The following CDH12 variants were observed in gnomAD, a reference collection of about 807,000 sequenced individuals.
The protein encoded by CDH12 is cadherin-12.
A neutral mutation model predicts 74.1 loss-of-function variants in CDH12; 41 were observed. That is an observed-to-expected ratio of 0.55 (90% CI 0.43 to 0.72). The LOEUF is 0.72. Ranked by LOEUF, CDH12 falls within the 30% of genes least tolerant of loss-of-function variation. The pLI is 0.00. For synonymous variants in CDH12, 399 were observed against 355.0 expected (o/e 1.12, Z -1.39); for missense variants, 945 against 977.2 (o/e 0.97, Z 0.44).
chr5:22,017,316 T>A (rs1322295275), intron 5 of CDH12, among the ~76,000 whole-genome samples: 1 of 152,032 alleles, frequency 6.6e-6, no homozygotes, highest in Admixed American at 6.5e-5. Context: ...CTTCAAAAAC[T>A]GGGAAAATCA....
At chr5:22,091,097 GA>G (rs548217538) in intron 4 of CDH12, among the ~76,000 whole-genome samples, 29 of 151,488 alleles carry the variant, frequency 1.9e-4, no homozygotes, top group African/African-American at 7.0e-4. Flanking sequence ...GACAAGAAAA[GA>G]GGGAAAATTT....
chr5:21,926,833 G>T (rs1202223513), intron 6 of CDH12, among the ~76,000 whole-genome samples: 1 of 152,164 alleles, frequency 6.6e-6, no homozygotes, highest in Non-Finnish European at 1.5e-5. Flanking sequence ...AGAGGTGATG[G>T]TAGAATGTTC....
chr5:22,695,584 T>A (rs1742317697), intron 1 of CDH12, among the ~76,000 whole-genome samples: 1 of 152,222 alleles, frequency 6.6e-6, no homozygotes, highest in South Asian at 2.1e-4. Flanking sequence ...AGACATATTT[T>A]AAAATTATTT....
chr5:22,361,356 G>C (rs1271268154), intron 3 of CDH12, among the ~76,000 whole-genome samples: 5 of 152,010 alleles, frequency 3.3e-5, no homozygotes, highest in Non-Finnish European at 5.9e-5. Flanking sequence ...TAAAAACCTA[G>C]GAATCCCACT....
At chr5:22,820,736 T>A (rs555130326) in intron 1 of CDH12, among the ~76,000 whole-genome samples, 28 of 152,234 alleles carry the variant, frequency 1.8e-4, no homozygotes, top group Non-Finnish European at 3.4e-4. Flanking sequence ...ATTGTGGCAA[T>A]AATCAATAAC....
intron 9 of CDH12, among the ~76,000 whole-genome samples, chr5:21,814,872 A>C (rs1273782895): frequency 4.6e-5 from 7 of 151,862 alleles, no homozygotes; most frequent in Non-Finnish European, 7.4e-5. Context: ...TTCTTAGGGA[A>C]AAAATTAAGT....
At chr5:22,070,448 A>G (rs1049018808) in intron 5 of CDH12, among the ~76,000 whole-genome samples, 14 of 152,142 alleles carry the variant, frequency 9.2e-5, no homozygotes, top group African/African-American at 3.4e-4. Context: ...TAAGACTAAT[A>G]TTTAAATTTG....
At chr5:22,064,333 C>G (rs987263408) in intron 5 of CDH12, among the ~76,000 whole-genome samples, 2 of 152,110 alleles carry the variant, frequency 1.3e-5, no homozygotes, top group Non-Finnish European at 2.9e-5. Context: ...ATCTATGTCT[C>G]TTTAGATATG....
At chr5:22,258,122 T>A (rs1227815235) in intron 3 of CDH12, among the ~76,000 whole-genome samples, 1 of 152,142 alleles carries the variant, frequency 6.6e-6, no homozygotes, top group Admixed American at 6.6e-5. Context: ...TTTTTTGTTT[T>A]TTACCATCTT....
intron 11 of CDH12, among the ~76,000 whole-genome samples, chr5:21,768,567 C>T (rs1352120527): frequency 2.0e-5 from 3 of 151,768 alleles, no homozygotes; most frequent in East Asian, 1.9e-4. Flanking sequence ...CAAATTCCAA[C>T]AAAATGCAAA....
chr5:21,776,476 T>G (rs1745595418), intron 11 of CDH12, among the ~76,000 whole-genome samples: 1 of 152,188 alleles, frequency 6.6e-6, no homozygotes, highest in South Asian at 2.1e-4. Context: ...GAAGACCTGT[T>G]CGTGAATAGC....
chr5:22,043,771 T>TA (rs1739738885), intron 5 of CDH12, among the ~76,000 whole-genome samples: 1 of 150,178 alleles, frequency 6.7e-6, no homozygotes, highest in East Asian at 1.9e-4. Flanking sequence ...AAATTCAACA[T>TA]AAAAAAGCAA....
intron 5 of CDH12, among the ~76,000 whole-genome samples, chr5:22,053,842 G>A (rs13178918): frequency 0.35 from 53,190 of 151,748 alleles, 11,503 homozygotes; most frequent in Non-Finnish European, 0.47. Flanking sequence ...TCATAAGCCT[G>A]TACCAAAGCC....
intron 1 of CDH12, among the ~76,000 whole-genome samples, chr5:22,658,982 A>G (rs1195231044): frequency 6.6e-6 from 1 of 152,160 alleles, no homozygotes; most frequent in Non-Finnish European, 1.5e-5. Context: ...AAAATTGTCA[A>G]TTGCAGTAAC....
At chr5:22,357,651 C>T (rs577078763) in intron 3 of CDH12, among the ~76,000 whole-genome samples, 41 of 152,108 alleles carry the variant, frequency 2.7e-4, no homozygotes, top group African/African-American at 9.4e-4. Context: ...GTTCTCTATT[C>T]CCAAGGGGGA....
intron 1 of CDH12, among the ~76,000 whole-genome samples, chr5:22,738,163 T>C (rs188855259): frequency 6.6e-6 from 1 of 152,072 alleles, no homozygotes; most frequent in Admixed American, 6.6e-5. Flanking sequence ...AAGGATCTTG[T>C]CCAAGGTTAT....
At chr5:22,075,640 G>A (rs4490549) in intron 5 of CDH12, among the ~76,000 whole-genome samples, 55,942 of 151,718 alleles carry the variant, frequency 0.37, 12,886 homozygotes, top group African/African-American at 0.66. Flanking sequence ...ATTCTAACAT[G>A]TAAGTATGTT....
chr5:21,880,615 CCT>C (rs1491215004), intron 6 of CDH12, among the ~76,000 whole-genome samples: 14 of 84,658 alleles, frequency 1.7e-4, no homozygotes, highest in African/African-American at 6.5e-4. Flanking sequence ...TTCCTTCCTT[CCT>C]TCTTTCTTTC....
chr5:22,557,008 G>A (rs80354058), intron 1 of CDH12, among the ~76,000 whole-genome samples: 24,184 of 151,798 alleles, frequency 0.16, 2,498 homozygotes, highest in East Asian at 0.37. Flanking sequence ...ACACCCTCCA[G>A]TACTTTTCTA....
Sources: gnomAD v4.1 joint callset for allele counts (sites outside exome capture counted in the v4.1 genomes callset) on GRCh38, gnomAD v4.1.1 for gene constraint, MANE v1.5 for transcripts, NCBI Gene and HGNC (gene_info 2026-07-23, HGNC 2026-07-21) for gene names.